RYR3: variants seen among roughly 807,000 people sequenced by gnomAD.
RYR3 encodes brain ryanodine receptor-calcium release channel.
A neutral mutation model predicts 584.3 loss-of-function variants in RYR3; 207 were observed. That is an observed-to-expected ratio of 0.35 (90% confidence interval 0.32 to 0.40). RYR3 has a LOEUF of 0.40. Among genes scored for constraint, RYR3 ranks in the 10% least tolerant of loss-of-function variants. The pLI is 1.00. For missense variants in RYR3, 5,616 were observed against 6,089.2 expected, an observed-to-expected ratio of 0.92 and a Z score of 2.59; for synonymous variants, 2,416 against 2,248.5, an observed-to-expected ratio of 1.07 and a Z score of -2.11.
chr15:33,725,208 T>TACACACACACACACACAC (rs2068293356), intron 45 of RYR3, among the ~76,000 whole-genome samples: 1 of 117,054 alleles, frequency 8.5e-6, no homozygotes, highest in Non-Finnish European at 1.8e-5. Context: ...CACACATATA[T>TACACACACACACACACAC]ACATCCCTTC....
intron 64 of RYR3, among the ~76,000 whole-genome samples, chr15:33,776,132 C>A (rs191336333): frequency 1.3e-5 from 2 of 152,322 alleles, no homozygotes; most frequent in Non-Finnish European, 2.9e-5. Context: ...GGAATCACTA[C>A]ATACTTGCTT....
chr15:33,773,489 T>A (rs747489164), intron 63 of RYR3, 45 bp from the exon 64 acceptor site: 1 of 1,351,506 alleles, frequency 7.4e-7, no homozygotes, highest in South Asian at 1.2e-5. Flanking sequence ...ATCCTTTCTG[T>A]ATTCAGGATT....
At chr15:33,472,209 C>T (rs933183994) in intron 1 of RYR3, among the ~76,000 whole-genome samples, 4 of 152,200 alleles carry the variant, frequency 2.6e-5, no homozygotes, top group African/African-American at 9.7e-5. Flanking sequence ...TGTGGCTTCT[C>T]GCATTCCCCT....
Position 33,853,593 on chromosome 15 carries a change from C to G in RYR3, c.13710C>G (p.Arg4570=). The change falls in exon 96 of 104, where the codon CGC becomes CGG. Residue 4570 remains arginine (R), a synonymous_variant. Coordinates refer to ENST00000634891, the MANE Select transcript of RYR3 (RefSeq NM_001036.6). ...ATGGAGATCTCTACGGAGCAGAACGCATTGCTGAACTTCTGGGTTTGGACA... is the reference window on the plus strand; with the variant it reads ...ATGGAGATCTCTACGGAGCAGAACGGATTGCTGAACTTCTGGGTTTGGACA... ...NKYGDLYGAE[R]IAELLGLDKN... 2 of 1,613,984 alleles carry G rather than the reference C, an allele frequency of 1.2e-6. No individual in the cohort carries two copies. Among genetic ancestry groups the G allele is most frequent in the Non-Finnish European group, 1.7e-6 (2 of 1,179,892 alleles).
intron 43 of RYR3, among the ~76,000 whole-genome samples, chr15:33,711,545 C>A (rs1002687417): frequency 1.3e-5 from 2 of 152,166 alleles, no homozygotes; most frequent in African/African-American, 4.8e-5. Flanking sequence ...ACCCGGCTAC[C>A]AGGCCACTTC....
At chr15:33,317,211 C>A (rs527326672) in intron 1 of RYR3, among the ~76,000 whole-genome samples, 11 of 152,218 alleles carry the variant, frequency 7.2e-5, no homozygotes, top group Non-Finnish European at 1.3e-4. Flanking sequence ...CCCATTTTTT[C>A]TTTCGCTCAA....
intron 16 of RYR3, among the ~76,000 whole-genome samples, chr15:33,600,170 C>T (rs1395277405): frequency 2.6e-5 from 4 of 152,040 alleles, no homozygotes; most frequent in African/African-American, 7.3e-5. Context: ...CTGCTTGTCC[C>T]GTAAATGTGC....
chr15:33,783,568 C>T (rs1023807773), intron 65 of RYR3, among the ~76,000 whole-genome samples: 2 of 152,118 alleles, frequency 1.3e-5, no homozygotes, highest in African/African-American at 4.8e-5. Flanking sequence ...AGGCAGCGGG[C>T]AAAAAGTGTT....
At chr15:33,511,329 TAAAAAA>T (rs34328973) in intron 3 of RYR3, among the ~76,000 whole-genome samples, 184 of 119,372 alleles carry the variant, frequency 1.5e-3, no homozygotes, top group African/African-American at 5.4e-3. Flanking sequence ...TTTCTCTCTT[TAAAAAA>T]AAAAAAAAAA....
chr15:33,397,477 C>A (rs2042368387), intron 1 of RYR3, among the ~76,000 whole-genome samples: 1 of 152,140 alleles, frequency 6.6e-6, no homozygotes, highest in Non-Finnish European at 1.5e-5. Flanking sequence ...TCTGTGTAAA[C>A]TGGCATAGAC....
chr15:33,673,194 A>T (rs1302813106), intron 38 of RYR3, among the ~76,000 whole-genome samples: 1 of 152,228 alleles, frequency 6.6e-6, no homozygotes, highest in Non-Finnish European at 1.5e-5. Context: ...ACCCAACGGA[A>T]TTCAATGTTT....
At chr15:33,466,413 T>G (rs2048491903) in intron 1 of RYR3, among the ~76,000 whole-genome samples, 1 of 152,230 alleles carries the variant, frequency 6.6e-6, no homozygotes, top group Non-Finnish European at 1.5e-5. Context: ...TTCCATTTTA[T>G]TTCATTTTTT....
At chr15:33,752,554 T>G (rs1461480297) in intron 57 of RYR3, among the ~76,000 whole-genome samples, 1 of 152,202 alleles carries the variant, frequency 6.6e-6, no homozygotes. Flanking sequence ...TGTATAGGAA[T>G]GCTTGTGATT....
At chr15:33,344,426 A>AAT (rs1972190670) in intron 1 of RYR3, among the ~76,000 whole-genome samples, 1 of 152,220 alleles carries the variant, frequency 6.6e-6, no homozygotes. Context: ...CACATTGACA[A>AAT]GTGGTTTTCT....
Position 33,391,585 on chromosome 15 carries a change from C to T in RYR3, c.51+80489C>T, listed in dbSNP as rs181788124. Among the ~76,000 whole-genome samples the T allele has an allele frequency of 7.3e-5, 11 of 150,584 alleles. No individual in the cohort carries two copies. The East Asian group carries it at 2.2e-3, about 30-fold the overall frequency. On this transcript the variant is annotated intron_variant, in intron 1 of 103. Transcript: ENST00000634891. ...AACTTGCAGTGAGCCGAGATTGTGC[C>T]ACTGCAGTCCAGCCTGGGCGACAGA...
At chr15:33,679,443 A>G (rs1165625414) in intron 38 of RYR3, among the ~76,000 whole-genome samples, 2 of 152,222 alleles carry the variant, frequency 1.3e-5, no homozygotes, top group Non-Finnish European at 2.9e-5. Flanking sequence ...CCATCAAAAT[A>G]GGGCATTAAA....
At chr15:33,805,581 C>A (rs1046449233) in intron 69 of RYR3, among the ~76,000 whole-genome samples, 1 of 151,702 alleles carries the variant, frequency 6.6e-6, no homozygotes, top group Non-Finnish European at 1.5e-5. Flanking sequence ...TGGTTCACAC[C>A]ATTCTCCTGC....
intron 3 of RYR3, among the ~76,000 whole-genome samples, chr15:33,519,661 T>A (rs1471397434): frequency 6.6e-6 from 1 of 151,862 alleles, no homozygotes; most frequent in Admixed American, 6.6e-5. Flanking sequence ...CATTTTTAAA[T>A]CTCCACTAGT....
rs539157612 is a variant in RYR3, at chr15:33,757,189, C to T, written c.8584-286C>T. ...CCTCTTAGATGCAGCGCCCAAGAAG[C>T]CCTATCTGAGTGCAGCTGTCTCGTA... On this transcript the variant is annotated intron_variant, in intron 59 of 103. Coordinates refer to ENST00000634891, the MANE Select transcript of RYR3 (RefSeq NM_001036.6). 9.2e-5 allele frequency among the ~76,000 whole-genome samples: 14 copies of T among 152,258 alleles called. No homozygotes were observed. The South Asian group carries it at 2.7e-3, about 29-fold the overall frequency.
Sources: allele counts gnomAD v4.1 joint callset (sites outside exome capture counted in the v4.1 genomes callset), GRCh38; gene constraint gnomAD v4.1.1; transcripts MANE v1.5; gene names NCBI Gene and HGNC (gene_info 2026-07-23, HGNC 2026-07-21).